Variants in CNNM4 observed in about 807,000 individuals in gnomAD.
The protein encoded by CNNM4 is metal transporter CNNM4.
CNNM4 carries 32 observed loss-of-function variants against 53.7 expected under a neutral mutation model. That is an observed-to-expected ratio of 0.60 (90% CI 0.45 to 0.80). CNNM4 has a LOEUF of 0.80. Among genes scored for constraint, CNNM4 ranks in the 30% least tolerant of loss-of-function variants. The pLI, the probability that CNNM4 is intolerant of heterozygous loss-of-function variation, is 0.00. For synonymous variants in CNNM4, 410 were observed against 440.0 expected (o/e 0.93, Z 0.85); for missense variants, 784 against 1,022.0 (o/e 0.77, Z 3.17).
rs2079249236 is a variant in CNNM4 at position 96,810,632 on chromosome 2, CAA to C, written c.*1116_*1117del. The C allele has an allele frequency of 6.6e-6, 1 of 152,384 alleles. No homozygotes were observed. The highest frequency in any genetic ancestry group is 1.9e-4 in the East Asian group (1 of 5,186). 9.4% of individuals were successfully genotyped at this position (152,384 alleles called of 1,614,324 possible). ...CTTCAGTCCCTCTTGGGGGTGGAGA[CAA>C]GAGGACATGTGGGAAGCCACGGAAG... On this transcript the variant is annotated 3_prime_UTR_variant, in exon 7 of 7. Transcript: ENST00000377075. The surrounding 1 kb of genome is among the most constrained non-coding windows in gnomAD (Gnocchi z 4.1).
Position 96,801,723 on chromosome 2 carries a change from GCAGAGACCACACACACC to G in CNNM4, c.1948+2090_1948+2106del, listed in dbSNP as rs550186674. 2.5e-4 allele frequency among the ~76,000 whole-genome samples: 31 copies of G among 123,264 alleles called. No individual in the cohort carries two copies. The highest frequency in any genetic ancestry group is 4.1e-4 in the Non-Finnish European group (26 of 62,692). 80.9% of individuals were successfully genotyped at this position (123,264 alleles called of 152,430 possible). A position where few individuals can be genotyped will look rare whatever the true frequency, so the allele number is the denominator to read the frequency against. ...ACACACGCAGAGAGACCACACACAT[GCAGAGACCACACACACC>G]CAGAGACCACACACCCAGACACACA... On this transcript the variant is annotated intron_variant, in intron 5 of 6. Coordinates refer to ENST00000377075, the MANE Select transcript of CNNM4 (RefSeq NM_020184.4). The surrounding 1 kb of genome is among the most constrained non-coding windows in gnomAD (Gnocchi z 5.6).
In CNNM4 at chr2:96,761,121, C is replaced by G. The variant is rs1220287218; in HGVS notation, c.122C>G (p.Pro41Arg). ...CTGGGGGCCCGGGGCCAGGGCAGCC[C>G]CCAGCAGGGCACGATCGTGGGCATG... ...WALGARGQGS[P>R]QQGTIVGMRL... Residue 41 changes from proline (P) to arginine (R), a missense_variant, in exon 1 of 7, where the codon CCC becomes CGC. Transcript: ENST00000377075. The surrounding 1 kb of genome is among the most constrained non-coding windows in gnomAD (Gnocchi z 6.0). 3 of 1,586,844 alleles carry G rather than the reference C, an allele frequency of 1.9e-6. No individual in the cohort carries two copies. Among genetic ancestry groups the G allele is most frequent in the Non-Finnish European group, 1.7e-6 (2 of 1,162,482 alleles).
Position 96,765,024 on chromosome 2 carries a change from G to GTT in CNNM4, c.1402+2664_1402+2665dup, listed in dbSNP as rs1158502593. 3.2e-3 allele frequency among the ~76,000 whole-genome samples: 133 copies of GTT among 41,556 alleles called. 40 individuals carry two copies. Among genetic ancestry groups the GTT allele is most frequent in the Non-Finnish European group, 4.9e-3 (112 of 22,800 alleles). 27.3% of individuals were successfully genotyped at this position (41,556 alleles called of 152,430 possible). ...GTTTAGGAGTCTGGTGTTGGGAATG[G>GTT]TTTTTTTTTTTTTTTTTTTTTTTTT... On this transcript the variant is annotated intron_variant, in intron 1 of 6. Coordinates refer to ENST00000377075, the MANE Select transcript of CNNM4 (RefSeq NM_020184.4).
chr2:96,799,330 TG>T, intron 4 of CNNM4, 104 bp downstream of exon 4: 1 of 1,458,940 alleles, frequency 6.9e-7, no homozygotes. Flanking sequence ...CTTCCCTGCC[TG>T]GGGAGCCTGC....
Position 96,760,945 on chromosome 2 carries a change from C to CCGGGGCCGCGCGGCGTGGCG in CNNM4, c.-49_-30dup, listed in dbSNP as rs1451802308. The stretch of plus-strand genomic sequence containing the variant: ...GGAGCGGCCGGAGCTGCGGTGCGGA[C>CCGGGGCCGCGCGGCGTGGCG]CGGGGCCGCGCGGCGTGGCGCGGGG... On this transcript the variant is annotated 5_prime_UTR_variant, in exon 1 of 7. Coordinates refer to ENST00000377075, the MANE Select transcript of CNNM4 (RefSeq NM_020184.4). 1 of 941,820 alleles carries CCGGGGCCGCGCGGCGTGGCG rather than the reference C, an allele frequency of 1.1e-6. No individual in the cohort carries two copies. The highest frequency in any genetic ancestry group is 1.3e-6 in the Non-Finnish European group (1 of 789,966). The allele number at this position is 941,820 out of a possible 1,614,324, so 58.3% of individuals were successfully genotyped here.
intron 5 of CNNM4, among the ~76,000 whole-genome samples, chr2:96,804,293 G>A (rs1292936507): frequency 2.7e-5 from 4 of 149,176 alleles, no homozygotes; most frequent in Non-Finnish European, 4.4e-5. Context: ...GCAGTGGTGC[G>A]ATCTTGGCTC....
At chr2:96,788,527 T>A (rs1310179492) in intron 1 of CNNM4, 1 of 152,358 alleles carries the variant, frequency 6.6e-6, no homozygotes, top group Non-Finnish European at 1.5e-5. Context: ...TGGCTCTGCC[T>A]TCTTGCTGGG....
At chr2:96,779,012 A>C (rs1224039322) in intron 1 of CNNM4, among the ~76,000 whole-genome samples, 3 of 151,986 alleles carry the variant, frequency 2.0e-5, no homozygotes, top group African/African-American at 7.2e-5. Flanking sequence ...GCTGGAGTGC[A>C]GTGGCGCGAT....
At chr2:96,790,993 GCCTGTAGTC>G (rs2079057701) in intron 1 of CNNM4, among the ~76,000 whole-genome samples, 1 of 151,642 alleles carries the variant, frequency 6.6e-6, no homozygotes, top group Admixed American at 6.6e-5. Flanking sequence ...GGTGGCCTGT[GCCTGTAGTC>G]CCAGCTACTC....
At position 96,808,495 on chromosome 2, in the gene CNNM4, G is replaced by C. The variant is rs1043389827; in HGVS notation, c.1949-66G>C. The C allele has an allele frequency of 4.5e-6, 7 of 1,555,920 alleles. No homozygotes were observed. Among genetic ancestry groups the C allele is most frequent in the Middle Eastern group, 3.6e-4 (2 of 5,504 alleles). The stretch of plus-strand genomic sequence containing the variant: ...TCCCTGGGCTTCCATGGGATGAGGT[G>C]AGACATGAGGGTGAGAGTGGGCATC... On this transcript the variant is annotated intron_variant, in intron 5 of 6. Transcript: ENST00000377075. This position sits in a 1 kb window ranked among gnomAD's most constrained non-coding sequence, Gnocchi z 4.9.
intron 1 of CNNM4, among the ~76,000 whole-genome samples, chr2:96,786,029 A>G (rs1295960664): frequency 8.0e-5 from 12 of 149,682 alleles, no homozygotes; most frequent in African/African-American, 2.7e-4. Flanking sequence ...GGAGCTTGCA[A>G]TGAGCTGAGA....
intron 5 of CNNM4, among the ~76,000 whole-genome samples, chr2:96,804,225 AATT>A (rs1335524218): frequency 6.8e-6 from 1 of 147,296 alleles, no homozygotes; most frequent in East Asian, 2.0e-4. Flanking sequence ...TCACGTCACT[AATT>A]TTTTTTTTTT....
Position 96,807,927 on chromosome 2 carries a change from C to T in CNNM4, c.1949-634C>T, listed in dbSNP as rs577704043. 2.0e-5 allele frequency among the ~76,000 whole-genome samples: 3 copies of T among 151,970 alleles called. No homozygotes were observed. The East Asian group carries it at 5.8e-4, about 29-fold the overall frequency. On this transcript the variant is annotated intron_variant, in intron 5 of 6. Transcript: ENST00000377075. ...GTTTTGAGACAGAGTCTTGCTCTGT[C>T]ACCCAAGCTGGAGTGCAGTGGTGCC...
At chr2:96,768,962 A>T (rs2078842535) in intron 1 of CNNM4, among the ~76,000 whole-genome samples, 1 of 152,232 alleles carries the variant, frequency 6.6e-6, no homozygotes. Flanking sequence ...TTTAAGAGTC[A>T]GCCAAGAGGC....
rs746879923 is a variant in CNNM4, at chr2:96,762,305, AC to A, written c.1312del (p.Leu438SerfsTer41). On this transcript the variant is annotated frameshift_variant, in exon 1 of 7. Transcript: ENST00000377075. LOFTEE classifies it high-confidence loss of function. ...GGCCTTTGTGGACCCCGATGACTGC[AC>A]CCCCCTCAAGACTATCACTCGCTTC... ...DLAFVDPDDC[T>X]PLKTITRFYN... is the part of the protein sequence containing the mutation. 2 of 1,613,750 alleles carry A rather than the reference AC, an allele frequency of 1.2e-6. No individual in the cohort carries two copies. The highest frequency in any genetic ancestry group is 1.3e-5 in the African/African-American group (1 of 74,820).
chr2:96,766,047 G>A (rs2078815876), intron 1 of CNNM4, among the ~76,000 whole-genome samples: 1 of 149,386 alleles, frequency 6.7e-6, no homozygotes, highest in African/African-American at 2.5e-5. Context: ...GCCTCCCAAA[G>A]TGCTGGGATT....
rs556235395 is a variant in CNNM4, at chr2:96,772,861, A to T, written c.1402+10460A>T. Among the ~76,000 whole-genome samples the T allele has an allele frequency of 2.3e-5, 3 of 132,534 alleles. No individual in the cohort carries two copies. In the South Asian group the frequency reaches 7.3e-4, roughly 32 times the overall value. 86.9% of individuals were successfully genotyped at this position (132,534 alleles called of 152,430 possible). A position where few individuals can be genotyped will look rare whatever the true frequency, so the allele number is the denominator to read the frequency against. ...CACTCCCACCCATGCTCACACACCCACACTCATACTCCCCACAAAGGCACA... is the reference window on the plus strand; with the variant it reads ...CACTCCCACCCATGCTCACACACCCTCACTCATACTCCCCACAAAGGCACA... On this transcript the variant is annotated intron_variant, in intron 1 of 6. Transcript: ENST00000377075.
At chr2:96,809,235 C>T in intron 6 of CNNM4, 85 bp from the exon 7 acceptor site, 1 of 1,582,628 alleles carries the variant, frequency 6.3e-7, no homozygotes, top group African/African-American at 1.3e-5. Context: ...CTCACAGCCT[C>T]AATCCTGGCC....
chr2:96,769,182 T>G (rs1051356591), intron 1 of CNNM4, among the ~76,000 whole-genome samples: 1 of 145,406 alleles, frequency 6.9e-6, no homozygotes, highest in Non-Finnish European at 1.5e-5. Flanking sequence ...ACCCGGGAGG[T>G]GGAGCTTGCA....
Sources: gnomAD v4.1 joint callset for allele counts (sites outside exome capture counted in the v4.1 genomes callset) on GRCh38, gnomAD v4.1.1 for gene constraint, Gnocchi (gnomAD v3.1) non-coding constraint, MANE v1.5 for transcripts, NCBI Gene and HGNC (gene_info 2026-07-23, HGNC 2026-07-21) for gene names.